Variants in MEIOC observed in about 807,000 individuals in gnomAD.
MEIOC encodes meiosis specific with coiled-coil domain.
In MEIOC, 9 loss-of-function variants were observed where a neutral mutation model predicts 85.3. The ratio of observed to expected loss-of-function variants is 0.11; its 90% CI spans 0.06 to 0.18. The LOEUF (loss-of-function observed/expected upper bound fraction) is 0.18, where lower values mean the gene tolerates loss of function less well. Among genes scored for constraint, MEIOC ranks in the 10% least tolerant of loss-of-function variants. The probability of loss-of-function intolerance (pLI) is 1.00; values close to 1 mark genes in which losing one functional copy is unlikely to be tolerated. For synonymous variants in MEIOC, 365 were observed against 393.7 expected, an observed-to-expected ratio of 0.93 and a Z score of 0.86; for missense variants, 898 against 1,129.4, an observed-to-expected ratio of 0.80 and a Z score of 2.94.
At position 44,662,391 on chromosome 17, in the gene MEIOC, T is replaced by G. The variant is rs1971853814; in HGVS notation, c.279T>G (p.Ser93=). ...CAGAATATTCAAGTTCTGTAGATTCTTCACTTTTCTGTGCACCATGGTCTA... is the reference window on the plus strand; with the variant it reads ...CAGAATATTCAAGTTCTGTAGATTCGTCACTTTTCTGTGCACCATGGTCTA... ...SSTEYSSSVD[S]SLFCAPWSTY... is the part of the protein sequence containing the mutation. Residue 93 remains serine, a synonymous_variant, in exon 3 of 8, where the codon TCT becomes TCG. Coordinates refer to ENST00000409122, the MANE Select transcript of MEIOC (RefSeq NM_001145080.3). 1.3e-6 allele frequency: 2 copies of G among 1,549,538 alleles called. No homozygotes were observed. The highest frequency in any genetic ancestry group is 1.7e-6 in the Non-Finnish European group (2 of 1,145,186).
At chr17:44,660,743 T>C (rs1043052177) in intron 2 of MEIOC, among the ~76,000 whole-genome samples, 2 of 151,878 alleles carry the variant, frequency 1.3e-5, no homozygotes, top group African/African-American at 2.4e-5. Flanking sequence ...GTTTGTTAAA[T>C]TCACTTTCCC....
At chr17:44,658,579 G>C (rs1193286840) in intron 2 of MEIOC, among the ~76,000 whole-genome samples, 1 of 151,740 alleles carries the variant, frequency 6.6e-6, no homozygotes, top group Non-Finnish European at 1.5e-5. Flanking sequence ...TGGATCACCT[G>C]AGTTCGGGAG....
chr17:44,665,298 T>A, intron 3 of MEIOC, 86 bp from the exon 4 acceptor site: 1 of 927,966 alleles, frequency 1.1e-6, no homozygotes, highest in Non-Finnish European at 1.5e-6. Flanking sequence ...AGTCCACATA[T>A]TTTATAGATA....
At chr17:44,669,030 A>C (rs1302471339) in intron 5 of MEIOC, among the ~76,000 whole-genome samples, 1 of 151,974 alleles carries the variant, frequency 6.6e-6, no homozygotes, top group Non-Finnish European at 1.5e-5. Flanking sequence ...GGTGAAACCC[A>C]GTCTCTACTA....
chr17:44,671,733 G>C (rs557211781), intron 6 of MEIOC, among the ~76,000 whole-genome samples: 9 of 150,916 alleles, frequency 6.0e-5, no homozygotes, highest in East Asian at 2.0e-4. Context: ...GGTGAAACCC[G>C]GTCTCTACTA....
downstream of MEIOC, chr17:44,676,814 G>A (rs1010239704): frequency 1.6e-5 from 5 of 309,792 alleles, no homozygotes; most frequent in Admixed American, 6.5e-5. Context: ...AGAGTGATCC[G>A]TTTCAAAAAA....
At chr17:44,658,554 G>C (rs1202227894) in intron 2 of MEIOC, among the ~76,000 whole-genome samples, 1 of 151,742 alleles carries the variant, frequency 6.6e-6, no homozygotes, top group African/African-American at 2.4e-5. Flanking sequence ...CAGCACTCTG[G>C]GGGGCTGAGG....
chr17:44,656,958 G>C (rs1971767183), intron 1 of MEIOC, among the ~76,000 whole-genome samples, 169 bp from the exon 2 acceptor site: 1 of 152,140 alleles, frequency 6.6e-6, no homozygotes, highest in Admixed American at 6.5e-5. Flanking sequence ...GGGGGCCCGA[G>C]GGGAGAGTGA....
chr17:44,656,549 GCCC>G lies in MEIOC; in HGVS notation c.-59_-57del, dbSNP rs903997224. 3 of 1,247,932 alleles carry G rather than the reference GCCC, an allele frequency of 2.4e-6. No individual in the cohort carries two copies. Among genetic ancestry groups the G allele is most frequent in the South Asian group, 2.0e-5 (1 of 49,690 alleles). 77.3% of individuals were successfully genotyped at this position (1,247,932 alleles called of 1,614,324 possible). ...CGGGCTGAGGGAGCCGGGCCTGGAC[GCCC>G]CCCCCATCACCCCCGTACCCCAGGA... On this transcript the variant is annotated 5_prime_UTR_variant, in exon 1 of 8. Transcript: ENST00000409122.
In MEIOC at chr17:44,662,459, G is replaced by C. The variant is rs550516831; in HGVS notation, c.347G>C (p.Ser116Thr). The change falls in exon 3 of 8, where the codon AGT becomes ACT. Residue 116 changes from serine (S) to threonine (T), a missense_variant. Transcript: ENST00000409122. ...AAACAACCTTCTAATTCTCAGATCA[G>C]TATAAAGAACAGGTAAATTAATTCA... ...DIKQPSNSQISIKNRIQTERN... is the reference protein window; with the variant it reads ...DIKQPSNSQITIKNRIQTERN... 2.0e-5 allele frequency: 30 copies of C among 1,531,984 alleles called. No homozygotes were observed. The Middle Eastern group carries it at 5.1e-4, about 26-fold the overall frequency. 94.9% of individuals were successfully genotyped at this position (1,531,984 alleles called of 1,614,324 possible). A position where few individuals can be genotyped will look rare whatever the true frequency, so the allele number is the denominator to read the frequency against.
At chr17:44,669,222 A>G (rs185719906) in intron 5 of MEIOC, among the ~76,000 whole-genome samples, 161 bp from the exon 6 acceptor site, 27 of 152,210 alleles carry the variant, frequency 1.8e-4, no homozygotes, top group African/African-American at 6.3e-4. Context: ...AGATAGAAAA[A>G]TACTGTGGTA....
intron 2 of MEIOC, among the ~76,000 whole-genome samples, chr17:44,660,529 G>T (rs1425956888): frequency 6.6e-6 from 1 of 152,054 alleles, no homozygotes. Context: ...GAGCCACTGC[G>T]CCCGGCCAGA....
chr17:44,665,611 A>G (rs1312832419), intron 4 of MEIOC, 123 bp downstream of exon 4: 1 of 414,166 alleles, frequency 2.4e-6, no homozygotes, highest in East Asian at 3.9e-5. Context: ...TCTTAATTCA[A>G]ATATTGTTTC....
At chr17:44,671,227 A>ATT (rs1568135846) in intron 6 of MEIOC, 6 of 139,176 alleles carry the variant, frequency 4.3e-5, no homozygotes, top group Non-Finnish European at 9.0e-5. Flanking sequence ...TATTATTTAA[A>ATT]AAAAAAAAAA....
chr17:44,658,792 CAA>C (rs545961771), intron 2 of MEIOC, among the ~76,000 whole-genome samples: 15 of 70,872 alleles, frequency 2.1e-4, no homozygotes, highest in Admixed American at 4.5e-4. Context: ...GACTCCCTCT[CAA>C]AAAAAAAAAA....
At position 44,667,895 on chromosome 17, in the gene MEIOC, G is replaced by A; in HGVS notation, c.1984G>A (p.Val662Met). Residue 662 changes from valine (V) to methionine (M), a missense_variant, in exon 5 of 8, where the codon GTG becomes ATG. Val to Met is a conservative substitution (Grantham distance 21, BLOSUM62 1). Coordinates refer to ENST00000409122, the MANE Select transcript of MEIOC (RefSeq NM_001145080.3). The stretch of plus-strand genomic sequence containing the variant: ...CAATAGCCGTGTGAATCGCACACAA[G>A]TGTCATGCTTTTCTAATAATTATAT... ...GDNSRVNRTQ[V>M]SCFSNNYMMG... 1 of 1,613,932 alleles carries A rather than the reference G, an allele frequency of 6.2e-7. No homozygotes were observed. The highest frequency in any genetic ancestry group is 8.5e-7 in the Non-Finnish European group (1 of 1,179,852).
At chr17:44,658,216 G>A (rs1330740810) in intron 2 of MEIOC, among the ~76,000 whole-genome samples, 2 of 144,554 alleles carry the variant, frequency 1.4e-5, no homozygotes, top group African/African-American at 5.2e-5. Flanking sequence ...GTGCAGTGAC[G>A]CAATCTCCGC....
chr17:44,668,444 A>T (rs1971945721), intron 5 of MEIOC, among the ~76,000 whole-genome samples: 1 of 152,106 alleles, frequency 6.6e-6, no homozygotes. Context: ...GGCTCAAGCA[A>T]TCCTTCCTCC....
rs1410802173 is a variant in MEIOC at position 44,657,207 on chromosome 17, C to T, written c.150C>T (p.Phe50=). 5 of 1,551,888 alleles carry T rather than the reference C, an allele frequency of 3.2e-6. No individual in the cohort carries two copies. The highest frequency in any genetic ancestry group is 2.4e-5 in the East Asian group (1 of 40,926). The change falls in exon 2 of 8, where the codon TTC becomes TTT. Residue 50 remains phenylalanine (F), a synonymous_variant. Transcript: ENST00000409122. ...ADAGSRLTDV[F]GSVMLTGSAS... is the part of the protein sequence containing the mutation. ...CCGGCAGCAGGTTAACCGACGTCTT[C>T]GGCAGCGTGATGTTGACTGGCTCCG...
Sources: allele counts gnomAD v4.1 joint callset (sites outside exome capture counted in the v4.1 genomes callset), GRCh38; gene constraint gnomAD v4.1.1; transcripts MANE v1.5; gene names NCBI Gene and HGNC (gene_info 2026-07-23, HGNC 2026-07-21).